Variants in CCNP observed in about 807,000 individuals in gnomAD.
CCNP encodes cyclin-P.
Under a neutral mutation model 19.6 loss-of-function variants are expected in CCNP, and 18 were observed. The ratio of observed to expected loss-of-function variants is 0.92; its 90% CI spans 0.64 to 1.36. The LOEUF (loss-of-function observed/expected upper bound fraction) is 1.36. Ranked by LOEUF, CCNP falls within the 40% of genes most tolerant of loss-of-function variation. The pLI is 0.00. For missense variants in CCNP, 440 were observed against 424.4 expected, an observed-to-expected ratio of 1.04 and a Z score of -0.32; for synonymous variants, 228 against 194.9, an observed-to-expected ratio of 1.17 and a Z score of -1.41.
At chr19:40,223,571 G>A in intron 3 of CCNP, 25 bp from the exon 4 acceptor site, 1 of 1,599,064 alleles carries the variant, frequency 6.3e-7, no homozygotes, top group Non-Finnish European at 8.5e-7. Context: ...TGCGGGGGGA[G>A]GTGAAGGAGT....
At chr19:40,225,341 G>A (rs773807912) in intron 1 of CCNP, among the ~76,000 whole-genome samples, 5 of 152,108 alleles carry the variant, frequency 3.3e-5, no homozygotes, top group Non-Finnish European at 5.9e-5. Flanking sequence ...TTACAGGTAT[G>A]AGCCACTGCA....
intron 3 of CCNP, 146 bp downstream of exon 3, chr19:40,224,342 T>A (rs1212974433): frequency 2.2e-5 from 20 of 911,134 alleles, no homozygotes; most frequent in Non-Finnish European, 2.4e-5. Context: ...CGGTCTCCTC[T>A]TCTGTTTAAG....
In CCNP at chr19:40,226,668, C is replaced by T. The variant is rs766172361; in HGVS notation, c.-27G>A. On this transcript the variant is annotated 5_prime_UTR_variant, in exon 1 of 5. Coordinates refer to ENST00000430325, the MANE Select transcript of CCNP (RefSeq NM_024877.4). ...CTCCAGGAGGGTGTTGCGGGCGAGGCCAAGCACCGACCCTTGCAGCTAGGG... is the reference window on the plus strand; with the variant it reads ...CTCCAGGAGGGTGTTGCGGGCGAGGTCAAGCACCGACCCTTGCAGCTAGGG... 152 of 1,527,178 alleles carry T rather than the reference C, an allele frequency of 1.0e-4. 1 individual carries two copies. The East Asian group carries it at 3.5e-3, about 35-fold the overall frequency. 94.6% of individuals were successfully genotyped at this position (1,527,178 alleles called of 1,614,324 possible).
In CCNP at chr19:40,223,063, C is replaced by G; in HGVS notation, c.913G>C (p.Asp305His). 3 of 1,531,842 alleles carry G rather than the reference C, an allele frequency of 2.0e-6. No homozygotes were observed. The highest frequency in any genetic ancestry group is 2.6e-6 in the Non-Finnish European group (3 of 1,132,114). The allele number at this position is 1,531,842 out of a possible 1,614,324, so 94.9% of individuals were successfully genotyped here. The change falls in exon 5 of 5, where the codon GAC (aspartate) becomes CAC (histidine). Residue 305 changes from aspartate to histidine, a missense_variant. Asp to His is a moderately conservative substitution (Grantham distance 81). Transcript: ENST00000430325. ...WSFLRSRRMR[D>H]NY ...GTGCCACCTCCTCCTCAATAATTGT[C>G]TCTCATTCTCCGAGACCGTAAAAAT...
Position 40,222,387 on chromosome 19 carries a change from T to G in CCNP, c.*665A>C. ...CCCTGGCGCTGGGGCCGCGCATACT[T>G]GAGGAAGACTGCGGCGCGACCCGGC... is the stretch of plus-strand genomic sequence containing the variant. On this transcript the variant is annotated 3_prime_UTR_variant, in exon 5 of 5. Coordinates refer to ENST00000430325, the MANE Select transcript of CCNP (RefSeq NM_024877.4). 1 of 398,820 alleles carries G rather than the reference T, an allele frequency of 2.5e-6. No homozygotes were observed. Among genetic ancestry groups the G allele is most frequent in the African/African-American group, 2.1e-5 (1 of 48,716 alleles). 24.7% of individuals were successfully genotyped at this position (398,820 alleles called of 1,614,324 possible). A position where few individuals can be genotyped will look rare whatever the true frequency, so the allele number is the denominator to read the frequency against.
chr19:40,226,422 G>A lies in CCNP; in HGVS notation c.220C>T (p.Leu74=). ...GLEEALSALG[L]QGEREYAGDI... Reference sequence around the variant, plus strand: ...CCGGCGTACTCGCGTTCTCCCTGCAGCCCCAGCGCGCTCAGCGCCTCCTCC... The same window carrying A: ...CCGGCGTACTCGCGTTCTCCCTGCAACCCCAGCGCGCTCAGCGCCTCCTCC... Residue 74 remains leucine, a synonymous_variant, in exon 1 of 5, where the codon CTG becomes TTG. Coordinates refer to ENST00000430325, the MANE Select transcript of CCNP (RefSeq NM_024877.4). 6.2e-7 allele frequency: 1 copy of A among 1,608,430 alleles called. No individual in the cohort carries two copies.
chr19:40,225,615 C>A (rs556091513), intron 1 of CCNP, among the ~76,000 whole-genome samples: 1 of 152,236 alleles, frequency 6.6e-6, no homozygotes, highest in African/African-American at 2.4e-5. Flanking sequence ...CCATTCCTAC[C>A]CCAGGCCCTT....
chr19:40,226,117 G>A (rs1255732443), intron 1 of CCNP, among the ~76,000 whole-genome samples: 1 of 152,240 alleles, frequency 6.6e-6, no homozygotes, highest in African/African-American at 2.4e-5. Flanking sequence ...AAATAAATGT[G>A]GAGGACAAGT....
In CCNP at chr19:40,223,294, G is replaced by A. The variant is rs947157171; in HGVS notation, c.682C>T (p.Leu228Phe). 7.2e-6 allele frequency: 11 copies of A among 1,525,094 alleles called. No homozygotes were observed. The highest frequency in any genetic ancestry group is 4.2e-5 in the African/African-American group (3 of 72,042). 94.5% of individuals were successfully genotyped at this position (1,525,094 alleles called of 1,614,324 possible). Residue 228 changes from leucine to phenylalanine, a missense_variant, in exon 5 of 5, where the codon CTT (leucine) becomes TTT (phenylalanine). Leu to Phe is a conservative substitution (Grantham distance 22). Coordinates refer to ENST00000430325, the MANE Select transcript of CCNP (RefSeq NM_024877.4). Reference protein sequence around the residue: ...LAGSSPQVMLLATYFLELSLL... With the variant: ...LAGSSPQVMLFATYFLELSLL... ...GACAGCTCCAGGAAGTAGGTGGCAA[G>A]TAACATCACCTGCAAGTGAGGCGGG...
chr19:40,226,306 T>A, intron 1 of CCNP, 69 bp downstream of exon 1: 1 of 1,365,906 alleles, frequency 7.3e-7, no homozygotes, highest in Middle Eastern at 1.8e-4. Context: ...GAGTTCAGAG[T>A]GGTGTTGAGT....
chr19:40,226,523 G>C lies in CCNP; in HGVS notation c.119C>G (p.Ser40Ter). 1 of 1,594,538 alleles carries C rather than the reference G, an allele frequency of 6.3e-7. No homozygotes were observed. The highest frequency in any genetic ancestry group is 1.8e-5 in the Admixed American group (1 of 56,470). The change falls in exon 1 of 5, where the codon TCA (serine) becomes TGA (stop). Residue 40 changes from serine (S) to a stop codon, truncating the protein, a stop_gained. Coordinates refer to ENST00000430325, the MANE Select transcript of CCNP (RefSeq NM_024877.4). LOFTEE classifies it high-confidence loss of function. ...GAAGCCGTCGGGGACTGCGGCGCTT[G>C]AAGGCTCTGCGTCGAGGGAGGCAGC... is the stretch of plus-strand genomic sequence containing the variant. ...SLAASLDAEPSSAAVPDGFPA... is the reference protein window; with the variant it reads ...SLAASLDAEP
rs769874245 is a variant in CCNP at position 40,223,397 on chromosome 19, G to A, written c.663C>T (p.Ser221=). Residue 221 remains serine (S), a synonymous_variant, in exon 4 of 5, where the codon AGC becomes AGT. Coordinates refer to ENST00000430325, the MANE Select transcript of CCNP (RefSeq NM_024877.4). ...CLGLLAALAG[S]SPQVMLLATY... is the part of the protein sequence containing the mutation. ...ATTCACAAGGGCTCACCTGGGGGCTGCTCCCTGCCAGCGCGGCCAGCAGCC... is the reference window on the plus strand; with the variant it reads ...ATTCACAAGGGCTCACCTGGGGGCTACTCCCTGCCAGCGCGGCCAGCAGCC... The A allele has an allele frequency of 5.1e-6, 8 of 1,557,646 alleles. No individual in the cohort carries two copies. The African/African-American group carries it at 8.2e-5, about 16-fold the overall frequency.
At chr19:40,226,343 C>T (rs1461831767) in intron 1 of CCNP, 32 bp downstream of exon 1, 3 of 1,592,788 alleles carry the variant, frequency 1.9e-6, no homozygotes, top group Admixed American at 3.3e-5. Flanking sequence ...GCCGGCGTCG[C>T]CCTCACCAGG....
chr19:40,224,970 C>T (rs1301225643), intron 1 of CCNP, 159 bp from the exon 2 acceptor site: 14 of 633,838 alleles, frequency 2.2e-5, no homozygotes, highest in African/African-American at 1.1e-4. Flanking sequence ...CGTGTCCTCA[C>T]CTAGAACTCT....
chr19:40,226,470 G>T lies in CCNP; in HGVS notation c.172C>A (p.Arg58Ser), dbSNP rs138427224. The T allele has an allele frequency of 5.6e-6, 9 of 1,607,148 alleles. No homozygotes were observed. The Admixed American group carries it at 6.7e-5, about 12-fold the overall frequency. Residue 58 changes from arginine to serine, a missense_variant, in exon 1 of 5, where the codon CGC becomes AGC. Coordinates refer to ENST00000430325, the MANE Select transcript of CCNP (RefSeq NM_024877.4). Reference sequence around the variant, plus strand: ...TCCAGCCCCGGCGGCCTCGCCAGGCGTCTTGGGGAGACAGTGGGGCCCGCG... The same window carrying T: ...TCCAGCCCCGGCGGCCTCGCCAGGCTTCTTGGGGAGACAGTGGGGCCCGCG... Reference protein sequence around the residue: ...FPAGPTVSPRRLARPPGLEEA... With the variant: ...FPAGPTVSPRSLARPPGLEEA...
chr19:40,224,748 C>G lies in CCNP; in HGVS notation c.331G>C (p.Val111Leu). 1 of 1,569,878 alleles carries G rather than the reference C, an allele frequency of 6.4e-7. No individual in the cohort carries two copies. The highest frequency in any genetic ancestry group is 8.6e-7 in the Non-Finnish European group (1 of 1,157,962). ...TGCACCTGGACCAGCCAGTCTACCA[C>G]CAGGGCGCGCATCTCCGGGGTCACA... Reference protein sequence around the residue: ...RAVTPEMRALVVDWLVQVHEY... With the variant: ...RAVTPEMRALLVDWLVQVHEY... The change falls in exon 2 of 5, where the codon GTG (valine) becomes CTG (leucine). Residue 111 changes from valine to leucine, a missense_variant. Physicochemically the swap from Val to Leu is conservative, Grantham distance 32 (BLOSUM62 1). Transcript: ENST00000430325.
At chr19:40,225,079 T>C in intron 1 of CCNP, 1 of 432,014 alleles carries the variant, frequency 2.3e-6, no homozygotes, top group South Asian at 2.9e-5. Flanking sequence ...TTTTTTTTTT[T>C]GAGACAAAGT....
At chr19:40,226,227 C>T (rs1973536594) in intron 1 of CCNP, 148 bp downstream of exon 1, 1 of 706,806 alleles carries the variant, frequency 1.4e-6, no homozygotes, top group South Asian at 1.9e-5. Context: ...GAAAACAAAA[C>T]AAAAGCCTGG....
intron 4 of CCNP, 23 bp from the exon 5 acceptor site, chr19:40,223,326 G>C: frequency 6.7e-7 from 1 of 1,502,898 alleles, no homozygotes; most frequent in Non-Finnish European, 8.9e-7. Flanking sequence ...CGGGGCGACT[G>C]TCAGGCCACG....
Sources: gnomAD v4.1 joint callset for allele counts (sites outside exome capture counted in the v4.1 genomes callset) on GRCh38, gnomAD v4.1.1 for gene constraint, MANE v1.5 for transcripts, NCBI Gene and HGNC (gene_info 2026-07-23, HGNC 2026-07-21) for gene names.